The following CHRNA5 variants were observed in gnomAD, a reference collection of about 807,000 sequenced individuals.
The protein encoded by CHRNA5 is neuronal acetylcholine receptor subunit alpha-5.
A neutral mutation model predicts 41.2 loss-of-function variants in CHRNA5; 28 were observed. The observed-to-expected ratio is 0.68, with a 90% confidence interval of 0.50 to 0.93. CHRNA5 has a LOEUF of 0.93. Among genes scored for constraint, CHRNA5 ranks in the 40% least tolerant of loss-of-function variants. The pLI is 0.00. For synonymous variants in CHRNA5, 188 were observed against 205.8 expected (o/e 0.91, Z 0.74); for missense variants, 481 against 581.9 (o/e 0.83, Z 1.78).
At chr15:78,590,540 T>G (rs201720688) in exon 5 of CHRNA5, 14 of 1,614,074 alleles carry the variant, frequency 8.7e-6, no homozygotes, top group Non-Finnish European at 1.1e-5. Flanking sequence ...CTGAGAGTGG[T>G]AGTGGACCAA....
At chr15:78,569,809 TTTTTTGTTTTTG>T (rs757822115) in intron 1 of CHRNA5, among the ~76,000 whole-genome samples, 1 of 151,502 alleles carries the variant, frequency 6.6e-6, no homozygotes, top group Non-Finnish European at 1.5e-5. Flanking sequence ...GTATAGTGTT[TTTTTTGTTTTTG>T]TTTTTGTTTT....
chr15:78,567,619 T>C (rs961920213), intron 1 of CHRNA5, among the ~76,000 whole-genome samples: 1 of 152,194 alleles, frequency 6.6e-6, no homozygotes, highest in Non-Finnish European at 1.5e-5. Context: ...CCACGTAAGC[T>C]CCTTAAGAAC....
chr15:78,577,169 T>C (rs886890378), intron 1 of CHRNA5, among the ~76,000 whole-genome samples: 3 of 152,232 alleles, frequency 2.0e-5, no homozygotes, highest in Admixed American at 6.5e-5. Context: ...GTTAGGGTGA[T>C]GAGAGCATGA....
chr15:78,565,527 T>A (rs1024406847), exon 1 of CHRNA5: 1 of 204,740 alleles, frequency 4.9e-6, no homozygotes, highest in Admixed American at 5.9e-5. Context: ...TCCACATGCG[T>A]CCCGAGCCCG....
At chr15:78,565,678 G>A in exon 1 of CHRNA5, 1 of 818,904 alleles carries the variant, frequency 1.2e-6, no homozygotes, top group Non-Finnish European at 1.6e-6. Context: ...CCGCGCGGCG[G>A]TCGAGAGGCG....
intron 5 of CHRNA5, chr15:78,591,405 A>G (rs2053013338): frequency 6.6e-6 from 1 of 151,880 alleles, no homozygotes; most frequent in Non-Finnish European, 1.5e-5. Context: ...CTTTTAAAGA[A>G]TGAGCCTAAT....
At chr15:78,580,174 G>A (rs542428674) in intron 1 of CHRNA5, among the ~76,000 whole-genome samples, 12 of 150,898 alleles carry the variant, frequency 8.0e-5, no homozygotes, top group Non-Finnish European at 1.5e-5. Flanking sequence ...CAGCTACTCG[G>A]GAGGCTGAGG....
chr15:78,585,517 C>T (rs550583944), intron 2 of CHRNA5, among the ~76,000 whole-genome samples: 1 of 152,284 alleles, frequency 6.6e-6, no homozygotes, highest in East Asian at 1.9e-4. Context: ...TTGTGTCCTA[C>T]ACATAATATA....
At chr15:78,573,940 G>A (rs1260004240) in intron 1 of CHRNA5, among the ~76,000 whole-genome samples, 1 of 149,650 alleles carries the variant, frequency 6.7e-6, no homozygotes, top group African/African-American at 2.5e-5. Context: ...GGGACTACAG[G>A]CGTGCACCAC....
At chr15:78,592,361 C>T (rs941231270) in intron 5 of CHRNA5, among the ~76,000 whole-genome samples, 9 of 152,208 alleles carry the variant, frequency 5.9e-5, no homozygotes, top group African/African-American at 2.2e-4. Context: ...TTTACAATGC[C>T]CTAAATTCTA....
chr15:78,585,501 A>G (rs1276425480), intron 2 of CHRNA5, among the ~76,000 whole-genome samples: 1 of 152,158 alleles, frequency 6.6e-6, no homozygotes, highest in Non-Finnish European at 1.5e-5. Flanking sequence ...GTCTCTGTGC[A>G]TAGCATTGTG....
chr15:78,577,804 G>A (rs937756383), intron 1 of CHRNA5, among the ~76,000 whole-genome samples: 3 of 151,644 alleles, frequency 2.0e-5, no homozygotes, highest in Non-Finnish European at 2.9e-5. Flanking sequence ...TGTGGTGCAC[G>A]CCTGTGGTCC....
chr15:78,576,789 AC>A (rs1417970457), intron 1 of CHRNA5, among the ~76,000 whole-genome samples: 4 of 136,604 alleles, frequency 2.9e-5, no homozygotes, highest in African/African-American at 1.1e-4. Flanking sequence ...ACAGGGCGAG[AC>A]CCAGTCTCAA....
At position 78,574,146 on chromosome 15, in the gene CHRNA5, C is replaced by T. The variant is rs532194872; in HGVS notation, c.107-6665C>T. On this transcript the variant is annotated intron_variant, in intron 1 of 5. Coordinates refer to ENST00000299565, the Ensembl canonical transcript of CHRNA5. Reference sequence around the variant, plus strand: ...GTTTTTTAAATCCTCAGGGGGAGGCCAAGGCGGGCGGATCACCTGAGGTCG... The same window carrying T: ...GTTTTTTAAATCCTCAGGGGGAGGCTAAGGCGGGCGGATCACCTGAGGTCG... Among the ~76,000 whole-genome samples the T allele has an allele frequency of 2.0e-5, 3 of 151,100 alleles. No homozygotes were observed. The East Asian group carries it at 6.0e-4, about 30-fold the overall frequency.
At chr15:78,592,070 T>G (rs558827035) in intron 5 of CHRNA5, among the ~76,000 whole-genome samples, 2 of 152,296 alleles carry the variant, frequency 1.3e-5, no homozygotes, top group African/African-American at 4.8e-5. Flanking sequence ...ACGCCTGTAA[T>G]CCCAGCACTT....
chr15:78,569,049 G>A lies in CHRNA5; in HGVS notation c.106+3224G>A, dbSNP rs142762843. 3.6e-3 allele frequency among the ~76,000 whole-genome samples: 542 copies of A among 152,098 alleles called. 2 individuals are homozygous for A. The highest frequency in any genetic ancestry group is 0.012 in the African/African-American group (499 of 41,482). On this transcript the variant is annotated intron_variant, in intron 1 of 5. Coordinates refer to ENST00000299565, the Ensembl canonical transcript of CHRNA5. The stretch of plus-strand genomic sequence containing the variant: ...ACTTTTGTTATATATATGTCCTTAC[G>A]TAAACTTTATACACAATTTAATTTG...
chr15:78,585,163 G>A (rs147901364), intron 2 of CHRNA5, among the ~76,000 whole-genome samples: 196 of 152,252 alleles, frequency 1.3e-3, no homozygotes, highest in African/African-American at 4.3e-3. Flanking sequence ...TGATCCACCC[G>A]TCTTGGCCTC....
chr15:78,583,840 T>C (rs1385309247), intron 2 of CHRNA5, among the ~76,000 whole-genome samples: 3 of 152,178 alleles, frequency 2.0e-5, no homozygotes, highest in Non-Finnish European at 4.4e-5. Context: ...AGATGACAGA[T>C]GAGAACAAGG....
chr15:78,593,317 A>C (rs2053042569), exon 6 of CHRNA5: 1 of 1,441,012 alleles, frequency 6.9e-7, no homozygotes, highest in South Asian at 1.5e-5. Flanking sequence ...CACCTATAAA[A>C]TTATGAAAAT....
Sources: gnomAD v4.1 joint callset for allele counts (sites outside exome capture counted in the v4.1 genomes callset) on GRCh38, gnomAD v4.1.1 for gene constraint, MANE v1.5 for transcripts, NCBI Gene and HGNC (gene_info 2026-07-23, HGNC 2026-07-21) for gene names.